Variants in CABLES1 observed in about 807,000 individuals in gnomAD.
CABLES1 encodes CDK5 and ABL1 enzyme substrate 1.
In CABLES1, 36 loss-of-function variants were observed where a neutral mutation model predicts 57.8. The observed-to-expected ratio is 0.62, with a 90% CI of 0.48 to 0.82. The LOEUF is 0.82. Ranked by LOEUF, CABLES1 falls within the 40% of genes least tolerant of loss-of-function variation. CABLES1 has a pLI of 0.00. For synonymous variants in CABLES1, 374 were observed against 363.0 expected (o/e 1.03, Z -0.35); for missense variants, 767 against 836.6 (o/e 0.92, Z 1.03).
intron 1 of CABLES1, among the ~76,000 whole-genome samples, chr18:23,175,571 T>A (rs1266098425): frequency 1.3e-5 from 2 of 152,178 alleles, no homozygotes; most frequent in African/African-American, 4.8e-5. Context: ...CTCTACCTCC[T>A]GGGATCAAGT....
Position 23,136,504 on chromosome 18 carries a change from C to T in CABLES1, c.742C>T (p.Leu248=), listed in dbSNP as rs751246021. The change falls in exon 1 of 10, where the codon CTG becomes TTG. Residue 248 remains leucine, a synonymous_variant. Transcript: ENST00000256925. ...GRLNSFTQGI[L]PIAFSRPTSQ... is the part of the protein sequence containing the mutation. Reference sequence around the variant, plus strand: ...CCTCAACTCGTTCACTCAGGGAATCCTGCCCATCGCCTTCTCCAGGCCGAC... The same window carrying T: ...CCTCAACTCGTTCACTCAGGGAATCTTGCCCATCGCCTTCTCCAGGCCGAC... The T allele has an allele frequency of 5.0e-6, 8 of 1,597,866 alleles. No individual in the cohort carries two copies. Among genetic ancestry groups the T allele is most frequent in the Non-Finnish European group, 6.8e-6 (8 of 1,176,818 alleles).
intron 1 of CABLES1, among the ~76,000 whole-genome samples, chr18:23,180,516 GTTTAC>G (rs766796667): frequency 3.3e-5 from 5 of 151,966 alleles, no homozygotes; most frequent in Non-Finnish European, 5.9e-5. Flanking sequence ...GGGCTTATGT[GTTTAC>G]TTATTTATTT....
At chr18:23,159,482 C>A (rs529693933) in intron 1 of CABLES1, among the ~76,000 whole-genome samples, 63 of 152,316 alleles carry the variant, frequency 4.1e-4, no homozygotes, top group African/African-American at 1.5e-3. Context: ...AGAAAGGCAC[C>A]TTTCCTATAA....
intron 4 of CABLES1, among the ~76,000 whole-genome samples, chr18:23,228,073 A>T (rs571811586): frequency 6.6e-6 from 1 of 152,194 alleles, no homozygotes; most frequent in African/African-American, 2.4e-5. Context: ...TTTTCCATCT[A>T]GTTTCCAGGT....
At chr18:23,151,944 G>A (rs572345825) in intron 1 of CABLES1, among the ~76,000 whole-genome samples, 1 of 152,270 alleles carries the variant, frequency 6.6e-6, no homozygotes, top group Admixed American at 6.5e-5. Context: ...AGAAGTGAAC[G>A]GACTCAACAG....
intron 1 of CABLES1, among the ~76,000 whole-genome samples, chr18:23,186,438 T>TC (rs1306806463): frequency 2.0e-5 from 3 of 151,204 alleles, no homozygotes; most frequent in Non-Finnish European, 2.9e-5. Context: ...TTTTTTTTTT[T>TC]CCCCAAGACG....
intron 4 of CABLES1, among the ~76,000 whole-genome samples, chr18:23,219,618 G>A (rs2047471368): frequency 6.6e-6 from 1 of 152,166 alleles, no homozygotes; most frequent in South Asian, 2.1e-4. Context: ...TGAGGGGCAG[G>A]GGAGAGGGCT....
intron 1 of CABLES1, among the ~76,000 whole-genome samples, chr18:23,180,520 A>G (rs1277390745): frequency 2.0e-5 from 3 of 151,900 alleles, no homozygotes; most frequent in Non-Finnish European, 4.4e-5. Flanking sequence ...TTATGTGTTT[A>G]CTTATTTATT....
chr18:23,209,044 A>G (rs1477927951), intron 3 of CABLES1, among the ~76,000 whole-genome samples: 1 of 152,214 alleles, frequency 6.6e-6, no homozygotes, highest in East Asian at 1.9e-4. Flanking sequence ...AAGACACTAC[A>G]GCAGTCCCTC....
At chr18:23,244,275 G>C (rs1283561448) in intron 7 of CABLES1, among the ~76,000 whole-genome samples, 1 of 152,218 alleles carries the variant, frequency 6.6e-6, no homozygotes, top group East Asian at 1.9e-4. Flanking sequence ...AACATGCTCT[G>C]TGCCACCCAG....
chr18:23,243,449 T>C (rs1263077462), intron 7 of CABLES1, among the ~76,000 whole-genome samples: 1 of 151,216 alleles, frequency 6.6e-6, no homozygotes, highest in Non-Finnish European at 1.5e-5. Context: ...GGGAGGGTTG[T>C]TTTGGGTGTG....
intron 1 of CABLES1, among the ~76,000 whole-genome samples, chr18:23,143,475 G>A (rs2046870526): frequency 6.6e-6 from 1 of 152,230 alleles, no homozygotes; most frequent in African/African-American, 2.4e-5. Flanking sequence ...GCCCTGGGCG[G>A]GTTTCCCGCT....
chr18:23,180,205 G>A (rs2047155427), intron 1 of CABLES1, among the ~76,000 whole-genome samples: 1 of 152,184 alleles, frequency 6.6e-6, no homozygotes, highest in African/African-American at 2.4e-5. Context: ...ACAGGCATGA[G>A]CCACCGCGCC....
intron 4 of CABLES1, among the ~76,000 whole-genome samples, chr18:23,216,732 G>T (rs1457328052): frequency 6.6e-6 from 1 of 152,184 alleles, no homozygotes; most frequent in Non-Finnish European, 1.5e-5. Context: ...CAGGAAGAGG[G>T]CACTCAGACC....
intron 1 of CABLES1, among the ~76,000 whole-genome samples, chr18:23,147,384 A>G (rs2046898005): frequency 6.6e-6 from 1 of 152,250 alleles, no homozygotes; most frequent in Non-Finnish European, 1.5e-5. Flanking sequence ...GGACTCCAGT[A>G]CTTTTGGGGT....
intron 2 of CABLES1, among the ~76,000 whole-genome samples, chr18:23,193,416 T>G (rs1425295295): frequency 6.6e-6 from 1 of 152,152 alleles, no homozygotes; most frequent in African/African-American, 2.4e-5. Flanking sequence ...GGTCTGGAAC[T>G]CCTGACCTCA....
chr18:23,160,396 A>G (rs2046995314), intron 1 of CABLES1, among the ~76,000 whole-genome samples: 2 of 152,280 alleles, frequency 1.3e-5, no homozygotes, highest in South Asian at 4.1e-4. Flanking sequence ...AGCAATGGAA[A>G]ACACATAGGC....
chr18:23,245,518 A>T (rs1461902907), intron 7 of CABLES1, among the ~76,000 whole-genome samples: 1 of 152,030 alleles, frequency 6.6e-6, no homozygotes, highest in Non-Finnish European at 1.5e-5. Context: ...AAAAAAAAAA[A>T]AAGCGAAATA....
chr18:23,143,544 T>A (rs1220020411), intron 1 of CABLES1, among the ~76,000 whole-genome samples: 1 of 152,210 alleles, frequency 6.6e-6, no homozygotes, highest in African/African-American at 2.4e-5. Context: ...TAAATAATAC[T>A]TTCTTGGAAA....
Sources: allele counts gnomAD v4.1 joint callset (sites outside exome capture counted in the v4.1 genomes callset), GRCh38; gene constraint gnomAD v4.1.1; transcripts MANE v1.5; gene names NCBI Gene and HGNC (gene_info 2026-07-23, HGNC 2026-07-21).